CNBD1: variants seen among roughly 807,000 people sequenced by gnomAD.
CNBD1 encodes the protein cyclic nucleotide-binding domain-containing protein 1.
In CNBD1, 71 loss-of-function variants were observed where a neutral mutation model predicts 54.4. That is an observed-to-expected ratio of 1.30 (90% CI 1.08 to 1.59). CNBD1 has a LOEUF of 1.59. Ranked by LOEUF, CNBD1 falls within the 40% of genes most tolerant of loss-of-function variation. The pLI, the probability that CNBD1 is intolerant of heterozygous loss-of-function variation, is 0.00. For missense variants in CNBD1, 659 were observed against 518.0 expected, an observed-to-expected ratio of 1.27 and a Z score of -2.64; for synonymous variants, 182 against 170.7, an observed-to-expected ratio of 1.07 and a Z score of -0.51.
intron 4 of CNBD1, among the ~76,000 whole-genome samples, chr8:87,016,486 C>T (rs1199218333): frequency 1.4e-5 from 2 of 144,444 alleles, no homozygotes; most frequent in East Asian, 4.0e-4. Context: ...AGGGCAACAA[C>T]ACCCTAAGCC....
chr8:86,944,280 C>T (rs1481992353), intron 4 of CNBD1, among the ~76,000 whole-genome samples: 1 of 152,156 alleles, frequency 6.6e-6, no homozygotes, highest in Non-Finnish European at 1.5e-5. Context: ...CTTTTGAACT[C>T]CTCTATGTTT....
At chr8:86,904,693 A>C (rs954397387) in intron 2 of CNBD1, among the ~76,000 whole-genome samples, 3 of 152,130 alleles carry the variant, frequency 2.0e-5, no homozygotes, top group African/African-American at 7.2e-5. Flanking sequence ...ATTTTAACAC[A>C]TGATGGCAAA....
At chr8:86,884,873 A>G (rs1808659347) in intron 1 of CNBD1, among the ~76,000 whole-genome samples, 1 of 152,136 alleles carries the variant, frequency 6.6e-6, no homozygotes, top group Non-Finnish European at 1.5e-5. Context: ...TACTCCAACT[A>G]CTTTGAAGCC....
intron 4 of CNBD1, among the ~76,000 whole-genome samples, chr8:87,177,171 G>A (rs1277577303): frequency 6.6e-6 from 1 of 152,150 alleles, no homozygotes; most frequent in Non-Finnish European, 1.5e-5. Context: ...ATTGTTTTAT[G>A]TATTCATTTC....
At chr8:87,327,298 C>T (rs1809696782) in intron 8 of CNBD1, among the ~76,000 whole-genome samples, 1 of 149,136 alleles carries the variant, frequency 6.7e-6, no homozygotes, top group Admixed American at 6.7e-5. Context: ...CCTACAGAGG[C>T]AGGCTGGCCT....
chr8:87,150,762 G>C (rs1812586570), intron 4 of CNBD1, among the ~76,000 whole-genome samples: 1 of 152,140 alleles, frequency 6.6e-6, no homozygotes, highest in East Asian at 1.9e-4. Context: ...ACTTTTTGAA[G>C]TTAGGCCCCT....
intron 6 of CNBD1, among the ~76,000 whole-genome samples, chr8:87,273,619 T>C (rs532138625): frequency 1.3e-5 from 2 of 152,138 alleles, no homozygotes; most frequent in East Asian, 3.9e-4. Flanking sequence ...CTTATCCCAG[T>C]AACTTGTTTT....
At chr8:86,949,948 T>C (rs13260108) in intron 4 of CNBD1, among the ~76,000 whole-genome samples, 1 of 51,120 alleles carries the variant, frequency 2.0e-5, no homozygotes, top group Non-Finnish European at 3.6e-5. Context: ...CATCAAATGC[T>C]TTTTTTTTTT....
At chr8:86,977,479 T>G (rs900884170) in intron 4 of CNBD1, among the ~76,000 whole-genome samples, 8 of 152,166 alleles carry the variant, frequency 5.3e-5, no homozygotes, top group Middle Eastern at 3.4e-3. Flanking sequence ...TGACAAACAT[T>G]TAACTAGGTT....
In CNBD1 at chr8:86,942,111, C is replaced by G. The variant is rs114156545; in HGVS notation, c.431+2357C>G. 5.8e-3 allele frequency among the ~76,000 whole-genome samples: 888 copies of G among 152,248 alleles called. 10 individuals are homozygous for G. The highest frequency in any genetic ancestry group is 0.019 in the African/African-American group (808 of 41,538). On this transcript the variant is annotated intron_variant, in intron 4 of 10. Coordinates refer to ENST00000518476, the MANE Select transcript of CNBD1 (RefSeq NM_173538.3). Reference sequence around the variant, plus strand: ...TTTAATATTAACAGAAAGCCTTAAGCTCTCTATAAAAAATTTGTGATTTAA... The same window carrying G: ...TTTAATATTAACAGAAAGCCTTAAGGTCTCTATAAAAAATTTGTGATTTAA...
chr8:87,363,867 CATTTGT>C (rs1412029595), intron 10 of CNBD1, among the ~76,000 whole-genome samples: 3 of 151,932 alleles, frequency 2.0e-5, no homozygotes, highest in African/African-American at 7.2e-5. Context: ...AATTAGATCA[CATTTGT>C]CAATTTTGGC....
chr8:86,891,131 G>C (rs1345436100), intron 2 of CNBD1, among the ~76,000 whole-genome samples: 1 of 151,908 alleles, frequency 6.6e-6, no homozygotes, highest in Non-Finnish European at 1.5e-5. Flanking sequence ...TTTGTTGCCT[G>C]TGCTTTCAGG....
At chr8:87,046,091 T>C (rs1236190275) in intron 4 of CNBD1, among the ~76,000 whole-genome samples, 1 of 151,252 alleles carries the variant, frequency 6.6e-6, no homozygotes, top group Non-Finnish European at 1.5e-5. Flanking sequence ...CCCCCTACTT[T>C]GGCTGTAAAA....
chr8:87,279,972 TA>T (rs904350578), intron 6 of CNBD1, among the ~76,000 whole-genome samples: 102 of 151,610 alleles, frequency 6.7e-4, no homozygotes, highest in African/African-American at 2.0e-3. Flanking sequence ...TCCTGAAAGA[TA>T]TTTTTTTTCT....
At chr8:86,870,031 GA>G (rs1268386523) in intron 1 of CNBD1, among the ~76,000 whole-genome samples, 3 of 149,176 alleles carry the variant, frequency 2.0e-5, no homozygotes, top group African/African-American at 4.9e-5. Context: ...TGGTTGACTT[GA>G]AAAAAAAATT....
At position 87,003,303 on chromosome 8, in the gene CNBD1, A is replaced by C. The variant is rs150610327; in HGVS notation, c.431+63549A>C. On this transcript the variant is annotated intron_variant, in intron 4 of 10. Coordinates refer to ENST00000518476, the MANE Select transcript of CNBD1 (RefSeq NM_173538.3). ...AAATGAATGATAATAAATTGATTAA[A>C]AGGACAGAATGATTCCTGATTTTGC... Among the ~76,000 whole-genome samples, 219 of 152,334 alleles carry C rather than the reference A, an allele frequency of 1.4e-3. 2 individuals are homozygous for C. The highest frequency in any genetic ancestry group is 4.9e-3 in the African/African-American group (204 of 41,576).
In CNBD1 at chr8:87,223,262, T is replaced by A. The variant is rs541951934; in HGVS notation, c.578-13657T>A. Among the ~76,000 whole-genome samples, 46 of 151,612 alleles carry A rather than the reference T, an allele frequency of 3.0e-4. 1 individual carries two copies. In the Middle Eastern group the frequency reaches 0.01, roughly 34 times the overall value. ...TATTTATTTATTTATTTTTTATTAT[T>A]TAAGTTTTAGGGTACATGTGCACAT... On this transcript the variant is annotated intron_variant, in intron 5 of 10. Transcript: ENST00000518476.
chr8:87,356,689 G>A (rs994989187), intron 10 of CNBD1, among the ~76,000 whole-genome samples: 2 of 152,176 alleles, frequency 1.3e-5, no homozygotes, highest in East Asian at 1.9e-4. Flanking sequence ...TCACACTCTA[G>A]CTATGTGGAA....
chr8:87,058,106 G>A (rs956747026), intron 4 of CNBD1, among the ~76,000 whole-genome samples: 5 of 151,774 alleles, frequency 3.3e-5, no homozygotes, highest in Admixed American at 1.3e-4. Flanking sequence ...AAGACTAGAG[G>A]CCCCATGCAA....
Sources: allele counts gnomAD v4.1 joint callset (sites outside exome capture counted in the v4.1 genomes callset), GRCh38; gene constraint gnomAD v4.1.1; transcripts MANE v1.5; gene names NCBI Gene and HGNC (gene_info 2026-07-23, HGNC 2026-07-21).